DRAXIN: variants seen among roughly 807,000 people sequenced by gnomAD.
The protein encoded by DRAXIN is dorsal inhibitory axon guidance protein.
DRAXIN carries 27 observed loss-of-function variants against 33.9 expected under a neutral mutation model. The observed-to-expected ratio is 0.80, with a 90% CI of 0.59 to 1.10. The LOEUF is 1.10. Ranked by LOEUF, DRAXIN falls within the 50% of genes least tolerant of loss-of-function variation. The probability of loss-of-function intolerance (pLI) is 0.00; values close to 1 mark genes in which losing one functional copy is unlikely to be tolerated. For synonymous variants in DRAXIN, 178 were observed against 194.0 expected, an observed-to-expected ratio of 0.92 and a Z score of 0.69; for missense variants, 371 against 460.8, an observed-to-expected ratio of 0.81 and a Z score of 1.78.
At chr1:11,718,988 C>T (rs1641620070) in intron 6 of DRAXIN, among the ~76,000 whole-genome samples, 1 of 152,186 alleles carries the variant, frequency 6.6e-6, no homozygotes. Flanking sequence ...GCAAGCTCCA[C>T]CTCCCGGGTT....
At chr1:11,700,942 G>A (rs1641263726) in intron 1 of DRAXIN, among the ~76,000 whole-genome samples, 1 of 152,220 alleles carries the variant, frequency 6.6e-6, no homozygotes, top group Non-Finnish European at 1.5e-5. Context: ...GGCGGGGCAG[G>A]ATCCCCCGAG....
chr1:11,700,603 T>C (rs1245364963), intron 1 of DRAXIN, among the ~76,000 whole-genome samples: 2 of 152,232 alleles, frequency 1.3e-5, no homozygotes, highest in African/African-American at 2.4e-5. Context: ...AATCAGATGC[T>C]TACAGAACCC....
In DRAXIN at chr1:11,715,099, T is replaced by C. The variant is rs755757059; in HGVS notation, c.848-20T>C. 2.8e-5 allele frequency: 45 copies of C among 1,613,938 alleles called. No individual in the cohort carries two copies. The highest frequency in any genetic ancestry group is 2.5e-4 in the South Asian group (23 of 91,078). ...GGGCGGCTCAGCTTGGCTGACTGCGTGTGCTCTCTGTGTTGGCAGGGACTT... is the reference window on the plus strand; with the variant it reads ...GGGCGGCTCAGCTTGGCTGACTGCGCGTGCTCTCTGTGTTGGCAGGGACTT... On this transcript the variant is annotated intron_variant, in intron 5 of 6. Transcript: ENST00000294485.
Position 11,716,002 on chromosome 1 carries a change from T to A in DRAXIN, c.937+794T>A, listed in dbSNP as rs1570320192. On this transcript the variant is annotated intron_variant, in intron 6 of 6. Coordinates refer to ENST00000294485, the MANE Select transcript of DRAXIN (RefSeq NM_198545.4). ...CTCCCATCCCAGCCCTGCAGGTAGC[T>A]CTGACTACAGGCGCATGCCACCAGC... 2.6e-5 allele frequency among the ~76,000 whole-genome samples: 4 copies of A among 152,300 alleles called. No homozygotes were observed. In the South Asian group the frequency reaches 8.3e-4, roughly 32 times the overall value.
rs985659453 is a variant in DRAXIN, at chr1:11,721,289, AGCTAACT to A, written c.*1596_*1602del. 3.9e-5 allele frequency: 6 copies of A among 152,178 alleles called. No individual in the cohort carries two copies. The highest frequency in any genetic ancestry group is 1.4e-4 in the African/African-American group (6 of 41,426). The allele number at this position is 152,178 out of a possible 1,614,324, so 9.4% of individuals were successfully genotyped here. ...CACCTGAAATTGAGGTGCTATCTGA[AGCTAACT>A]GCCCCTAACAGGCCAGACTCACAAT... On this transcript the variant is annotated 3_prime_UTR_variant, in exon 7 of 7. Transcript: ENST00000294485.
chr1:11,712,903 CAA>C (rs201835494), intron 5 of DRAXIN, among the ~76,000 whole-genome samples: 1 of 123,756 alleles, frequency 8.1e-6, no homozygotes, highest in Admixed American at 8.3e-5. Context: ...AACTCCATCT[CAA>C]AAAAAAAAAA....
chr1:11,712,627 G>A (rs919681554), intron 5 of DRAXIN, among the ~76,000 whole-genome samples, 198 bp downstream of exon 5: 3 of 152,208 alleles, frequency 2.0e-5, no homozygotes, highest in African/African-American at 2.4e-5. Context: ...AGCCAGGCAC[G>A]GTGGCTCACA....
chr1:11,690,593 A>G (rs1641042054), upstream of DRAXIN, among the ~76,000 whole-genome samples: 2 of 152,226 alleles, frequency 1.3e-5, no homozygotes, highest in Non-Finnish European at 1.5e-5. The surrounding 1 kb of genome is among the most constrained non-coding windows in gnomAD (Gnocchi z 4.2). Flanking sequence ...CCTCAAAGTC[A>G]TAATTTGCCA....
intron 1 of DRAXIN, among the ~76,000 whole-genome samples, chr1:11,699,613 AT>A (rs1410744892): frequency 6.6e-6 from 1 of 152,122 alleles, no homozygotes; most frequent in African/African-American, 2.4e-5. Context: ...ATATTTACTT[AT>A]TTTAAAGCAA....
At chr1:11,687,876 A>G (rs928534255), upstream of DRAXIN, among the ~76,000 whole-genome samples, 1 of 152,192 alleles carries the variant, frequency 6.6e-6, no homozygotes, top group African/African-American at 2.4e-5. This position sits in a 1 kb window ranked among gnomAD's most constrained non-coding sequence, Gnocchi z 4.1. Context: ...CAGTTGATGA[A>G]TATTGGAGCC....
rs1318783957 is a variant in DRAXIN, at chr1:11,706,813, G to A, written c.451+104G>A. On this transcript the variant is annotated intron_variant, in intron 2 of 6. Transcript: ENST00000294485. The surrounding 1 kb of genome is among the most constrained non-coding windows in gnomAD (Gnocchi z 5.5). ...AGGGTCAGGGGCATGAGGTCCAGAG[G>A]AGAGGAGGGGTCTCACTGAAGCCAG... is the stretch of plus-strand genomic sequence containing the variant. 2 of 1,295,850 alleles carry A rather than the reference G, an allele frequency of 1.5e-6. No homozygotes were observed. Among genetic ancestry groups the A allele is most frequent in the African/African-American group, 3.0e-5 (2 of 67,014 alleles). 80.3% of individuals were successfully genotyped at this position (1,295,850 alleles called of 1,614,324 possible).
At chr1:11,716,706 T>A (rs577666574) in intron 6 of DRAXIN, among the ~76,000 whole-genome samples, 1 of 152,330 alleles carries the variant, frequency 6.6e-6, no homozygotes, top group Non-Finnish European at 1.5e-5. Flanking sequence ...AGGGTTTCAC[T>A]CTGTCACCCA....
At chr1:11,701,123 C>G (rs2100732828) in intron 1 of DRAXIN, among the ~76,000 whole-genome samples, 1 of 152,336 alleles carries the variant, frequency 6.6e-6, no homozygotes, top group South Asian at 2.1e-4. Flanking sequence ...CTTCCCCTCC[C>G]TGGTTAGTGT....
At position 11,719,480 on chromosome 1, in the gene DRAXIN, T is replaced by C. The variant is rs550035431; in HGVS notation, c.938-104T>C. On this transcript the variant is annotated intron_variant, in intron 6 of 6. Transcript: ENST00000294485. ...GAGGAAGCTGGGTTGTAGGGCAGAATAATGAAGGCAGGAGGGAGCTGGCTG... is the reference window on the plus strand; with the variant it reads ...GAGGAAGCTGGGTTGTAGGGCAGAACAATGAAGGCAGGAGGGAGCTGGCTG... The C allele has an allele frequency of 1.2e-5, 12 of 996,044 alleles. No homozygotes were observed. The African/African-American group carries it at 1.8e-4, about 15-fold the overall frequency. The allele number at this position is 996,044 out of a possible 1,614,324, so 61.7% of individuals were successfully genotyped here.
rs1406564894 is a variant in DRAXIN, at chr1:11,696,194, C to T, written c.-11+4341C>T. Among the ~76,000 whole-genome samples the T allele has an allele frequency of 6.6e-6, 1 of 152,214 alleles. No homozygotes were observed. The highest frequency in any genetic ancestry group is 2.4e-5 in the African/African-American group (1 of 41,452). On this transcript the variant is annotated intron_variant, in intron 1 of 6. Coordinates refer to ENST00000294485, the MANE Select transcript of DRAXIN (RefSeq NM_198545.4). This position sits in a 1 kb window ranked among gnomAD's most constrained non-coding sequence, Gnocchi z 4.7. ...ATGCTTCCAGGAAACTCCCTGGCCC[C>T]CACCACACCCATGCCTGCCACCTTA...
rs764719928 is a variant in DRAXIN at position 11,706,352 on chromosome 1, AC to A, written c.98del (p.Pro33LeufsTer114). 6.2e-7 allele frequency: 1 copy of A among 1,613,556 alleles called. No individual in the cohort carries two copies. Among genetic ancestry groups the A allele is most frequent in the Non-Finnish European group, 8.5e-7 (1 of 1,179,968 alleles). On this transcript the variant is annotated frameshift_variant, in exon 2 of 7. Transcript: ENST00000294485. LOFTEE classifies it high-confidence loss of function. This position sits in a 1 kb window ranked among gnomAD's most constrained non-coding sequence, Gnocchi z 5.5. ...LSLAGALAPG[T>X]PARNLPENHI... The stretch of plus-strand genomic sequence containing the variant: ...CCTGGCAGGCGCCCTTGCACCTGGG[AC>A]CCCTGCCCGGAACCTCCCTGAGAAT...
chr1:11,709,560 G>T, intron 3 of DRAXIN, 95 bp downstream of exon 3: 1 of 1,377,068 alleles, frequency 7.3e-7, no homozygotes, highest in Non-Finnish European at 9.7e-7. Context: ...TGAGGCACGG[G>T]GGCAGGAGGC....
chr1:11,698,339 G>A lies in DRAXIN; in HGVS notation c.-11+6486G>A, dbSNP rs551450369. ...AATTACCCACTTTCCAGCCCTAGGG[G>A]TGTCAGCTCCACCTAAACAAGACAG... On this transcript the variant is annotated intron_variant, in intron 1 of 6. Transcript: ENST00000294485. Among the ~76,000 whole-genome samples the A allele has an allele frequency of 1.6e-4, 24 of 152,274 alleles. No individual in the cohort carries two copies. The South Asian group carries it at 4.6e-3, about 29-fold the overall frequency.
upstream of DRAXIN, among the ~76,000 whole-genome samples, chr1:11,689,192 G>T (rs1333255141): frequency 6.6e-6 from 1 of 151,722 alleles, no homozygotes; most frequent in Non-Finnish European, 1.5e-5. Flanking sequence ...AGCTAACTGG[G>T]AGGCTGAGGC....
Sources: allele counts gnomAD v4.1 joint callset (sites outside exome capture counted in the v4.1 genomes callset), GRCh38; gene constraint gnomAD v4.1.1; non-coding constraint Gnocchi (gnomAD v3.1); transcripts MANE v1.5; gene names NCBI Gene and HGNC (gene_info 2026-07-23, HGNC 2026-07-21).